The following CLCN3 variants were observed in gnomAD, a reference collection of about 807,000 sequenced individuals.
CLCN3 encodes the protein H(+)/Cl(-) exchange transporter 3.
CLCN3 carries 16 observed loss-of-function variants against 83.4 expected under a neutral mutation model. The ratio of observed to expected loss-of-function variants is 0.19; its 90% confidence interval spans 0.13 to 0.29. The LOEUF (loss-of-function observed/expected upper bound fraction) is 0.29. Ranked by LOEUF, CLCN3 falls within the 10% of genes least tolerant of loss-of-function variation. The pLI is 1.00. For missense variants in CLCN3, 544 were observed against 1,006.0 expected (o/e 0.54, Z 6.21); for synonymous variants, 322 against 346.2 (o/e 0.93, Z 0.78).
At chr4:169,719,049 A>G (rs1470666004) in intron 12 of CLCN3, among the ~76,000 whole-genome samples, 1 of 152,206 alleles carries the variant, frequency 6.6e-6, no homozygotes, top group Admixed American at 6.5e-5. Context: ...GATGTTTGGG[A>G]TTGACGTTCT....
chr4:169,686,562 G>A (rs543192458), intron 3 of CLCN3, among the ~76,000 whole-genome samples: 5 of 152,136 alleles, frequency 3.3e-5, no homozygotes, highest in East Asian at 1.9e-4. Flanking sequence ...GATTACAGGC[G>A]TTCGCCACCA....
intron 8 of CLCN3, among the ~76,000 whole-genome samples, chr4:169,696,496 C>A (rs1732569388): frequency 6.6e-6 from 1 of 151,926 alleles, no homozygotes; most frequent in Admixed American, 6.6e-5. Flanking sequence ...GCGGAATAAT[C>A]AAATCAGAGT....
At chr4:169,637,128 A>C (rs1730233909) in intron 2 of CLCN3, among the ~76,000 whole-genome samples, 1 of 152,088 alleles carries the variant, frequency 6.6e-6, no homozygotes, top group Non-Finnish European at 1.5e-5. Context: ...TATGAGTTTA[A>C]ATGCCTTTTT....
intron 10 of CLCN3, among the ~76,000 whole-genome samples, chr4:169,705,741 C>G (rs554984495): frequency 6.6e-6 from 1 of 151,998 alleles, no homozygotes; most frequent in Admixed American, 6.6e-5. Context: ...TATGAACTGA[C>G]GAGCCCTGGT....
chr4:169,678,275 T>C (rs1030073070), intron 2 of CLCN3, among the ~76,000 whole-genome samples: 35 of 152,232 alleles, frequency 2.3e-4, no homozygotes, highest in African/African-American at 8.2e-4. Context: ...CAGGTGACTA[T>C]TATGCAGGCT....
At chr4:169,714,537 G>A (rs1351856936) in intron 12 of CLCN3, among the ~76,000 whole-genome samples, 1 of 152,078 alleles carries the variant, frequency 6.6e-6, no homozygotes, top group Non-Finnish European at 1.5e-5. Context: ...CATGGTTCAA[G>A]GAATCAGACT....
At chr4:169,667,757 T>C (rs1731298178) in intron 2 of CLCN3, among the ~76,000 whole-genome samples, 1 of 146,272 alleles carries the variant, frequency 6.8e-6, no homozygotes, top group African/African-American at 2.4e-5. Context: ...TTTTTTCTTT[T>C]TTTTTTTGAG....
At chr4:169,717,330 C>G (rs1175622945) in intron 12 of CLCN3, among the ~76,000 whole-genome samples, 1 of 152,062 alleles carries the variant, frequency 6.6e-6, no homozygotes, top group African/African-American at 2.4e-5. Context: ...GTTTTTAAGT[C>G]TCCTCACAGC....
chr4:169,630,875 T>C (rs369698790), intron 1 of CLCN3, among the ~76,000 whole-genome samples: 3 of 152,316 alleles, frequency 2.0e-5, no homozygotes, highest in South Asian at 4.1e-4. Flanking sequence ...AGCACCTAGG[T>C]TGATTCTGTG....
chr4:169,639,209 T>G (rs1730332202), intron 2 of CLCN3, among the ~76,000 whole-genome samples: 1 of 152,162 alleles, frequency 6.6e-6, no homozygotes, highest in Non-Finnish European at 1.5e-5. Context: ...TTTTAAAATT[T>G]TTTGTAACAA....
At chr4:169,621,481 T>G (rs1773111213) in intron 1 of CLCN3, among the ~76,000 whole-genome samples, 1 of 152,240 alleles carries the variant, frequency 6.6e-6, no homozygotes, top group Admixed American at 6.5e-5. Flanking sequence ...TGCCTTAGAA[T>G]CTCAGAAATT....
At position 169,631,108 on chromosome 4, in the gene CLCN3, A is replaced by G. The variant is rs1360449203; in HGVS notation, c.-16-4805A>G. On this transcript the variant is annotated intron_variant, in intron 1 of 12. Coordinates refer to ENST00000513761, the MANE Select transcript of CLCN3 (RefSeq NM_001829.4). ...ATAAGCATTCCATAGCCTTGCCAGC[A>G]TCTGTTGTTTTTTGGCTTTTTAATA... 2.0e-5 allele frequency among the ~76,000 whole-genome samples: 3 copies of G among 152,254 alleles called. No homozygotes were observed. In the East Asian group the frequency reaches 5.8e-4, roughly 29 times the overall value.
chr4:169,626,414 CAA>C (rs1010076712), intron 1 of CLCN3, among the ~76,000 whole-genome samples: 6 of 152,168 alleles, frequency 3.9e-5, no homozygotes, highest in African/African-American at 1.2e-4. Context: ...TGTGATTGGA[CAA>C]AAAGAGTATG....
chr4:169,636,163 G>A, intron 2 of CLCN3, 75 bp downstream of exon 2: 1 of 1,309,188 alleles, frequency 7.6e-7, no homozygotes, highest in South Asian at 1.5e-5. Flanking sequence ...TTTTATTGAG[G>A]TTGAATTTTT....
At chr4:169,663,889 A>T (rs572988245) in intron 2 of CLCN3, among the ~76,000 whole-genome samples, 1 of 152,366 alleles carries the variant, frequency 6.6e-6, no homozygotes, top group South Asian at 2.1e-4. Flanking sequence ...AAACACAGAC[A>T]GAATCCTGTG....
At chr4:169,709,863 C>T (rs987638439) in intron 11 of CLCN3, among the ~76,000 whole-genome samples, 2 of 151,648 alleles carry the variant, frequency 1.3e-5, no homozygotes, top group African/African-American at 4.8e-5. Context: ...AATGGGAGGC[C>T]AGGGTGGGAG....
At chr4:169,687,875 T>C (rs1732223372) in intron 4 of CLCN3, 118 bp downstream of exon 4, 1 of 547,624 alleles carries the variant, frequency 1.8e-6, no homozygotes, top group African/African-American at 2.0e-5. Context: ...TTGTTTCTCT[T>C]CTTCAAAAAA....
At chr4:169,696,072 G>GT (rs1732549258) in intron 8 of CLCN3, among the ~76,000 whole-genome samples, 1 of 151,708 alleles carries the variant, frequency 6.6e-6, no homozygotes, top group South Asian at 2.1e-4. Flanking sequence ...TTTTTGTGGG[G>GT]TTTTTTTGTT....
intron 1 of CLCN3, among the ~76,000 whole-genome samples, chr4:169,627,020 G>A (rs944092229): frequency 1.3e-4 from 20 of 151,970 alleles, no homozygotes; most frequent in African/African-American, 4.1e-4. Context: ...TTCTTATCTG[G>A]CTTTCACACT....
Sources: gnomAD v4.1 joint callset for allele counts (sites outside exome capture counted in the v4.1 genomes callset) on GRCh38, gnomAD v4.1.1 for gene constraint, MANE v1.5 for transcripts, NCBI Gene and HGNC (gene_info 2026-07-23, HGNC 2026-07-21) for gene names.